EBF1: variants seen among roughly 807,000 people sequenced by gnomAD.
EBF1 encodes transcription factor COE1.
EBF1 carries 10 observed loss-of-function variants against 68.4 expected under a neutral mutation model. That is an observed-to-expected ratio of 0.15 (90% CI 0.09 to 0.25). The LOEUF (loss-of-function observed/expected upper bound fraction) is 0.25. EBF1 is among the 10% of genes least tolerant of loss of function. The probability of loss-of-function intolerance (pLI) is 1.00; values close to 1 mark genes in which losing one functional copy is unlikely to be tolerated. For synonymous variants in EBF1, 298 were observed against 299.8 expected (o/e 0.99, Z 0.06); for missense variants, 509 against 794.4 (o/e 0.64, Z 4.32).
intron 6 of EBF1, among the ~76,000 whole-genome samples, chr5:159,010,810 A>T (rs1010333722): frequency 6.6e-6 from 1 of 152,264 alleles, no homozygotes; most frequent in African/African-American, 2.4e-5. Flanking sequence ...TAACGAGATG[A>T]TGTACGCCAC....
At chr5:159,038,613 G>C (rs17717503) in intron 6 of EBF1, among the ~76,000 whole-genome samples, 4,308 of 152,310 alleles carry the variant, frequency 0.028, 67 homozygotes, top group Admixed American at 0.038. Flanking sequence ...GTAGCTGATA[G>C]AGACTATGGA....
At chr5:158,942,619 A>G (rs1813681879) in intron 6 of EBF1, among the ~76,000 whole-genome samples, 1 of 152,114 alleles carries the variant, frequency 6.6e-6, no homozygotes, top group Admixed American at 6.5e-5. Context: ...TTAATTTCAA[A>G]TACAAGGAAA....
intron 6 of EBF1, among the ~76,000 whole-genome samples, chr5:158,991,262 T>C (rs1760268234): frequency 6.6e-6 from 1 of 152,240 alleles, no homozygotes; most frequent in African/African-American, 2.4e-5. Flanking sequence ...TTCATTGTTA[T>C]TTTTATTATT....
intron 6 of EBF1, among the ~76,000 whole-genome samples, chr5:158,945,265 G>A (rs1442476591): frequency 6.6e-6 from 1 of 152,074 alleles, no homozygotes; most frequent in Non-Finnish European, 1.5e-5. Context: ...GTAAGGAAGG[G>A]GTCCAGTTTC....
At chr5:158,887,963 A>G (rs988171917) in intron 6 of EBF1, among the ~76,000 whole-genome samples, 2 of 152,182 alleles carry the variant, frequency 1.3e-5, no homozygotes, top group African/African-American at 2.4e-5. Context: ...GCAAAATTCA[A>G]ATGATTAACC....
chr5:158,784,131 C>T (rs369225182), intron 9 of EBF1, among the ~76,000 whole-genome samples: 8 of 152,218 alleles, frequency 5.3e-5, no homozygotes, highest in Middle Eastern at 3.4e-3. Flanking sequence ...ATATGTCAAG[C>T]GCTATGTTAA....
At chr5:159,054,552 C>A (rs1462020472) in intron 6 of EBF1, among the ~76,000 whole-genome samples, 1 of 152,130 alleles carries the variant, frequency 6.6e-6, no homozygotes, top group Admixed American at 6.5e-5. Flanking sequence ...GGAATATATA[C>A]TGTATTGTCA....
intron 8 of EBF1, among the ~76,000 whole-genome samples, chr5:158,803,180 G>A (rs781156986): frequency 7.2e-5 from 11 of 151,906 alleles, no homozygotes; most frequent in Admixed American, 2.0e-4. Flanking sequence ...TCATTTCTAC[G>A]GGATACTTGT....
chr5:158,829,713 T>C (rs1459662296), intron 7 of EBF1, among the ~76,000 whole-genome samples: 1 of 152,170 alleles, frequency 6.6e-6, no homozygotes, highest in Non-Finnish European at 1.5e-5. Flanking sequence ...ATAGTCTACA[T>C]TCTACATTCT....
intron 6 of EBF1, among the ~76,000 whole-genome samples, chr5:158,978,565 T>A (rs1757232157): frequency 6.6e-6 from 1 of 152,040 alleles, no homozygotes; most frequent in African/African-American, 2.4e-5. Flanking sequence ...CCCTGGAAAC[T>A]ATTTGAATAG....
chr5:158,999,414 A>C (rs1271437070), intron 6 of EBF1, among the ~76,000 whole-genome samples: 2 of 152,230 alleles, frequency 1.3e-5, no homozygotes, highest in African/African-American at 4.8e-5. Flanking sequence ...CAGTTAAAGG[A>C]TCTGTCTTCA....
chr5:158,811,143 G>A (rs569553049), intron 8 of EBF1, among the ~76,000 whole-genome samples: 1 of 152,254 alleles, frequency 6.6e-6, no homozygotes, highest in Admixed American at 6.5e-5. Context: ...GCTGGCACAG[G>A]GAGTTTGAGA....
At chr5:158,914,750 T>A (rs1806791650) in intron 6 of EBF1, among the ~76,000 whole-genome samples, 1 of 152,094 alleles carries the variant, frequency 6.6e-6, no homozygotes, top group Non-Finnish European at 1.5e-5. Flanking sequence ...CAGTACCGAG[T>A]GCCAAAAGAT....
intron 6 of EBF1, among the ~76,000 whole-genome samples, chr5:159,034,343 T>A (rs888921933): frequency 1.3e-5 from 2 of 152,122 alleles, no homozygotes; most frequent in African/African-American, 4.8e-5. Flanking sequence ...CCTCTTGGGG[T>A]CAGGTAATAA....
At chr5:158,768,029 CAG>C (rs1436119103) in intron 10 of EBF1, among the ~76,000 whole-genome samples, 3 of 152,102 alleles carry the variant, frequency 2.0e-5, no homozygotes, top group Non-Finnish European at 4.4e-5. Flanking sequence ...AGCTTGAAAA[CAG>C]AAGCAGTGCC....
intron 6 of EBF1, among the ~76,000 whole-genome samples, chr5:159,048,420 A>T (rs1772875668): frequency 6.6e-6 from 1 of 152,152 alleles, no homozygotes; most frequent in Non-Finnish European, 1.5e-5. Context: ...ACGGCATGCC[A>T]ACTCTGAAGC....
At chr5:159,098,521 A>G (rs1783056129) in intron 1 of EBF1, among the ~76,000 whole-genome samples, 1 of 152,078 alleles carries the variant, frequency 6.6e-6, no homozygotes, top group Non-Finnish European at 1.5e-5. Context: ...AAATGGGACG[A>G]AAAAACAGGA....
At chr5:158,806,314 A>T (rs1446986444) in intron 8 of EBF1, among the ~76,000 whole-genome samples, 1 of 152,092 alleles carries the variant, frequency 6.6e-6, no homozygotes, top group African/African-American at 2.4e-5. Flanking sequence ...GATCTTTTAG[A>T]ATCCTACTTG....
chr5:158,829,476 C>T (rs1365415912), intron 7 of EBF1, among the ~76,000 whole-genome samples: 1 of 151,794 alleles, frequency 6.6e-6, no homozygotes, highest in African/African-American at 2.4e-5. Flanking sequence ...TGAGCCACCA[C>T]ACCCGGCCCA....
Sources: allele counts gnomAD v4.1 joint callset (sites outside exome capture counted in the v4.1 genomes callset), GRCh38; gene constraint gnomAD v4.1.1; transcripts MANE v1.5; gene names NCBI Gene and HGNC (gene_info 2026-07-23, HGNC 2026-07-21).